The following KIF15 variants were observed in gnomAD, a reference collection of about 807,000 sequenced individuals.
KIF15 encodes kinesin family member 15.
Under a neutral mutation model 190.6 loss-of-function variants are expected in KIF15, and 140 were observed. The ratio of observed to expected loss-of-function variants is 0.73; its 90% CI spans 0.64 to 0.84. The LOEUF is 0.84. KIF15 is among the 40% of genes least tolerant of loss of function. The pLI is 0.00. For synonymous variants in KIF15, 528 were observed against 551.3 expected, an observed-to-expected ratio of 0.96 and a Z score of 0.59; for missense variants, 1,372 against 1,584.4, an observed-to-expected ratio of 0.87 and a Z score of 2.28.
intron 14 of KIF15, among the ~76,000 whole-genome samples, chr3:44,803,861 G>GT (rs1575615023): frequency 2.6e-5 from 4 of 151,856 alleles, no homozygotes; most frequent in South Asian, 2.1e-4. Flanking sequence ...GTTTTCTGTT[G>GT]TTTTTTTTGA....
At position 44,814,962 on chromosome 3, in the gene KIF15, A is replaced by G. The variant is rs1707959329; in HGVS notation, c.2435A>G (p.Lys812Arg). ...DLRVVLHSAD[K>R]ELSSVKLEYS... is the part of the protein sequence containing the mutation. ...CGAGTAGTCCTTCATTCTGCTGACA[A>G]GGAGCTTTCTTCAGTGAAATTGGAA... The change falls in exon 20 of 35, where the codon AAG becomes AGG. Residue 812 changes from lysine (K) to arginine (R), a missense_variant. Physicochemically the swap from Lys to Arg is conservative, Grantham distance 26 (BLOSUM62 2). Transcript: ENST00000326047. The G allele has an allele frequency of 6.2e-7, 1 of 1,612,696 alleles. No homozygotes were observed. The highest frequency in any genetic ancestry group is 8.5e-7 in the Non-Finnish European group (1 of 1,179,648).
intron 20 of KIF15, among the ~76,000 whole-genome samples, chr3:44,815,491 C>T (rs1280052750): frequency 6.6e-6 from 1 of 152,198 alleles, no homozygotes; most frequent in Non-Finnish European, 1.5e-5. Flanking sequence ...ATCTGCTCAC[C>T]TTTGGACCAG....
downstream of KIF15, among the ~76,000 whole-genome samples, chr3:44,856,507 A>G (rs1014958823): frequency 2.6e-5 from 4 of 152,154 alleles, no homozygotes; most frequent in Non-Finnish European, 5.9e-5. Context: ...CTGGAAGGAG[A>G]TATTTTTCTT....
intron 30 of KIF15, among the ~76,000 whole-genome samples, chr3:44,845,989 G>A (rs191933392): frequency 2.6e-5 from 4 of 152,206 alleles, no homozygotes; most frequent in East Asian, 3.9e-4. Context: ...TTAATGGCCC[G>A]TCATAGCTTG....
intron 16 of KIF15, among the ~76,000 whole-genome samples, chr3:44,806,669 C>T (rs1203282929): frequency 3.3e-5 from 5 of 152,198 alleles, no homozygotes; most frequent in African/African-American, 2.4e-5. Context: ...CCTGTAGTCC[C>T]GGCTGTTTGG....
intron 14 of KIF15, among the ~76,000 whole-genome samples, chr3:44,804,542 G>A (rs564907061): frequency 6.6e-5 from 10 of 152,244 alleles, no homozygotes; most frequent in South Asian, 4.1e-4. Context: ...AGCATTAGGC[G>A]TGCCACACTT....
chr3:44,821,836 T>C (rs926782158), intron 20 of KIF15, among the ~76,000 whole-genome samples: 1 of 152,198 alleles, frequency 6.6e-6, no homozygotes, highest in Non-Finnish European at 1.5e-5. Flanking sequence ...TGGGCAACAT[T>C]GAGCATTGAG....
At chr3:44,823,540 T>C (rs969942852) in intron 20 of KIF15, among the ~76,000 whole-genome samples, 15 of 152,210 alleles carry the variant, frequency 9.9e-5, no homozygotes, top group Admixed American at 9.8e-4. Flanking sequence ...CACTGTACTC[T>C]TCAGAGCTAT....
At chr3:44,809,671 C>T (rs1034851873) in intron 16 of KIF15, among the ~76,000 whole-genome samples, 2 of 151,522 alleles carry the variant, frequency 1.3e-5, no homozygotes, top group African/African-American at 4.9e-5. Context: ...ATAGTAAGAC[C>T]CTACCTCTGC....
At chr3:44,786,294 G>A in intron 6 of KIF15, 101 bp from the exon 7 acceptor site, 1 of 903,222 alleles carries the variant, frequency 1.1e-6, no homozygotes, top group Non-Finnish European at 1.7e-6. Context: ...TAATAGCATA[G>A]GAAATTTACA....
At chr3:44,778,613 A>G (rs964491310) in intron 4 of KIF15, among the ~76,000 whole-genome samples, 1 of 152,200 alleles carries the variant, frequency 6.6e-6, no homozygotes, top group African/African-American at 2.4e-5. Flanking sequence ...AGCAGGGATT[A>G]CACTCCAAGG....
intron 13 of KIF15, 76 bp downstream of exon 13, chr3:44,802,050 T>C: frequency 1.0e-6 from 1 of 973,670 alleles, no homozygotes; most frequent in South Asian, 1.6e-5. Flanking sequence ...AGCAAGTACT[T>C]GTTCTTTAAT....
chr3:44,793,859 T>G (rs931582404), intron 7 of KIF15, among the ~76,000 whole-genome samples: 3 of 151,824 alleles, frequency 2.0e-5, no homozygotes, highest in Non-Finnish European at 2.9e-5. Context: ...TACCTATTCT[T>G]GTTCCTTTTT....
At chr3:44,776,515 A>G (rs538090359) in intron 3 of KIF15, among the ~76,000 whole-genome samples, 1 of 152,316 alleles carries the variant, frequency 6.6e-6, no homozygotes, top group East Asian at 1.9e-4. Context: ...TAAAACTTGA[A>G]AGTCAGTTCC....
At chr3:44,778,027 G>A in intron 3 of KIF15, 88 bp from the exon 4 acceptor site, 2 of 1,013,116 alleles carry the variant, frequency 2.0e-6, no homozygotes, top group Non-Finnish European at 3.2e-6. Flanking sequence ...TTATTACTAA[G>A]CAATTTTTGC....
At chr3:44,841,306 G>A (rs1698590632) in intron 29 of KIF15, 68 bp downstream of exon 29, 1 of 1,323,038 alleles carries the variant, frequency 7.6e-7, no homozygotes, top group Non-Finnish European at 1.0e-6. Flanking sequence ...ATGTTGCCCA[G>A]GCTGGGCTCA....
Position 44,780,913 on chromosome 3 carries a change from A to T in KIF15, c.352A>T (p.Thr118Ser), listed in dbSNP as rs1386831681. Residue 118 changes from threonine (T) to serine (S), a missense_variant, in exon 5 of 35, where the codon ACT becomes TCT. Transcript: ENST00000326047. ...YGQTGSGKTF[T>S]MMGPSESDNF... ...ACAGACTGGCTCAGGGAAGACATTT[A>T]CTATGATGGGTAAGTAAAGATTAAC... 1.2e-6 allele frequency: 2 copies of T among 1,601,128 alleles called. No individual in the cohort carries two copies. Among genetic ancestry groups the T allele is most frequent in the African/African-American group, 1.3e-5 (1 of 74,556 alleles).
At chr3:44,776,012 G>A (rs1047305008) in intron 3 of KIF15, among the ~76,000 whole-genome samples, 1 of 151,394 alleles carries the variant, frequency 6.6e-6, no homozygotes, top group African/African-American at 2.4e-5. Flanking sequence ...CCTAGGAGGC[G>A]GAGCTTGCAG....
At chr3:44,817,870 A>G (rs1708097116) in intron 20 of KIF15, among the ~76,000 whole-genome samples, 1 of 152,208 alleles carries the variant, frequency 6.6e-6, no homozygotes, top group Non-Finnish European at 1.5e-5. Flanking sequence ...CTTCCTACCC[A>G]TGAGCATGGA....
Sources: gnomAD v4.1 joint callset for allele counts (sites outside exome capture counted in the v4.1 genomes callset) on GRCh38, gnomAD v4.1.1 for gene constraint, MANE v1.5 for transcripts, NCBI Gene and HGNC (gene_info 2026-07-23, HGNC 2026-07-21) for gene names.